CDH13: variants seen among roughly 807,000 people sequenced by gnomAD.
The protein encoded by CDH13 is cadherin-13.
In CDH13, 24 loss-of-function variants were observed where a neutral mutation model predicts 63.8. That is an observed-to-expected ratio of 0.38 (90% CI 0.27 to 0.53). The LOEUF is 0.53. Among genes scored for constraint, CDH13 ranks in the 20% least tolerant of loss-of-function variants. The pLI is 0.85. For synonymous variants in CDH13, 503 were observed against 355.3 expected (o/e 1.42, Z -4.67); for missense variants, 1,049 against 903.1 (o/e 1.16, Z -2.07).
rs532563695 is a variant in CDH13 at position 83,187,721 on chromosome 16, A to G, written c.484-29624A>G. 1.4e-3 allele frequency among the ~76,000 whole-genome samples: 209 copies of G among 152,292 alleles called. 1 individual carries two copies. Among genetic ancestry groups the G allele is most frequent in the Non-Finnish European group, 2.6e-3 (177 of 68,030 alleles). ...TTCCGTGGACACAGCAGTGAACAGA[A>G]CAGACCAAGCCCTGTCCTACAGTCC... On this transcript the variant is annotated intron_variant, in intron 4 of 13. Transcript: ENST00000567109.
intron 11 of CDH13, among the ~76,000 whole-genome samples, chr16:83,764,554 T>C (rs1040742450): frequency 3.3e-5 from 5 of 152,172 alleles, no homozygotes; most frequent in Admixed American, 2.6e-4. Flanking sequence ...CAGCTTTATA[T>C]TGGCATTGCC....
chr16:82,886,263 A>G (rs1484759919), intron 2 of CDH13, among the ~76,000 whole-genome samples: 2 of 152,152 alleles, frequency 1.3e-5, no homozygotes, highest in Admixed American at 6.6e-5. Flanking sequence ...CCTTAGATTA[A>G]GTTTTCAGAA....
chr16:83,220,623 TAAATA>T, intron 5 of CDH13, among the ~76,000 whole-genome samples: 1 of 50,936 alleles, frequency 2.0e-5, no homozygotes, highest in Admixed American at 2.1e-4. Context: ...AAATAATAAA[TAAATA>T]AAAATAAAAA....
chr16:83,507,831 G>A (rs564572209), intron 7 of CDH13, among the ~76,000 whole-genome samples: 12 of 141,374 alleles, frequency 8.5e-5, no homozygotes, highest in South Asian at 2.6e-4. Context: ...TCAGGAGTTC[G>A]ATGCCAGCCT....
intron 1 of CDH13, among the ~76,000 whole-genome samples, chr16:82,827,146 A>G (rs13335874): frequency 0.012 from 1,838 of 152,296 alleles, 44 homozygotes; most frequent in African/African-American, 0.041. Context: ...TTTTTGAAAA[A>G]TAATACTGTT....
chr16:83,316,670 G>A (rs2090111536), intron 5 of CDH13, among the ~76,000 whole-genome samples: 1 of 152,200 alleles, frequency 6.6e-6, no homozygotes, highest in Non-Finnish European at 1.5e-5. Context: ...TGCAGTCTAT[G>A]CAGAGTTTAA....
chr16:83,567,650 C>T (rs1239962265), intron 7 of CDH13, among the ~76,000 whole-genome samples: 1 of 152,182 alleles, frequency 6.6e-6, no homozygotes, highest in African/African-American at 2.4e-5. Context: ...GGCTGGAGTG[C>T]AGTGGTGCGA....
chr16:83,663,192 T>A (rs1410472719), intron 8 of CDH13, among the ~76,000 whole-genome samples: 2 of 152,220 alleles, frequency 1.3e-5, no homozygotes, highest in Non-Finnish European at 2.9e-5. Flanking sequence ...TAATCAGCTC[T>A]GGGTCCAATC....
intron 4 of CDH13, among the ~76,000 whole-genome samples, chr16:83,148,566 A>G (rs1196791805): frequency 6.6e-6 from 1 of 152,232 alleles, no homozygotes; most frequent in African/African-American, 2.4e-5. Context: ...GGAGGTAATA[A>G]TAGTGCCTGC....
At chr16:82,837,331 A>T (rs929556012) in intron 1 of CDH13, among the ~76,000 whole-genome samples, 3 of 152,272 alleles carry the variant, frequency 2.0e-5, no homozygotes, top group African/African-American at 7.2e-5. Context: ...AAGTCCATGT[A>T]AAGTGCTCCC....
intron 5 of CDH13, among the ~76,000 whole-genome samples, chr16:83,275,440 T>G (rs954747112): frequency 1.3e-5 from 2 of 152,200 alleles, no homozygotes; most frequent in African/African-American, 4.8e-5. Flanking sequence ...GAGCCCCCTT[T>G]CAGAGTAAAG....
intron 10 of CDH13, among the ~76,000 whole-genome samples, chr16:83,724,517 G>A (rs967877853): frequency 7.9e-5 from 12 of 152,156 alleles, no homozygotes; most frequent in African/African-American, 2.4e-4. Context: ...TGCATGAGTC[G>A]GTGGATGAAT....
chr16:82,806,894 A>G (rs1349319102), intron 1 of CDH13, among the ~76,000 whole-genome samples: 1 of 152,194 alleles, frequency 6.6e-6, no homozygotes, highest in Non-Finnish European at 1.5e-5. Flanking sequence ...TGCAAAGAAT[A>G]ATATGCTCTA....
At chr16:83,193,610 G>T (rs1466067062) in intron 4 of CDH13, among the ~76,000 whole-genome samples, 1 of 152,210 alleles carries the variant, frequency 6.6e-6, no homozygotes, top group Non-Finnish European at 1.5e-5. Context: ...ATTTGTGCAA[G>T]AGTCAAGTTC....
intron 2 of CDH13, among the ~76,000 whole-genome samples, chr16:82,898,064 C>G (rs1273383573): frequency 1.3e-5 from 2 of 152,060 alleles, no homozygotes; most frequent in Non-Finnish European, 2.9e-5. Context: ...ATACAGTTCT[C>G]AAAGAGTGAA....
At chr16:83,351,178 T>G (rs1023999401) in intron 6 of CDH13, among the ~76,000 whole-genome samples, 1 of 152,196 alleles carries the variant, frequency 6.6e-6, no homozygotes, top group Non-Finnish European at 1.5e-5. Flanking sequence ...CTGTTAATTT[T>G]TTTTTGCTGA....
chr16:83,028,155 G>T (rs1269175957), intron 2 of CDH13, among the ~76,000 whole-genome samples: 1 of 152,206 alleles, frequency 6.6e-6, no homozygotes, highest in East Asian at 1.9e-4. Flanking sequence ...GGCGATTGAA[G>T]CAGTCATTTC....
At chr16:83,419,189 G>C (rs193108429) in intron 6 of CDH13, among the ~76,000 whole-genome samples, 1 of 152,050 alleles carries the variant, frequency 6.6e-6, no homozygotes, top group Non-Finnish European at 1.5e-5. Context: ...CATCCCTATC[G>C]TGCCCCCTGC....
At chr16:83,088,388 C>G (rs1312245239) in intron 3 of CDH13, among the ~76,000 whole-genome samples, 5 of 152,186 alleles carry the variant, frequency 3.3e-5, no homozygotes, top group African/African-American at 9.6e-5. Flanking sequence ...TCTTTGGACG[C>G]AATTTGCAAT....
Sources: gnomAD v4.1 joint callset for allele counts (sites outside exome capture counted in the v4.1 genomes callset) on GRCh38, gnomAD v4.1.1 for gene constraint, MANE v1.5 for transcripts, NCBI Gene and HGNC (gene_info 2026-07-23, HGNC 2026-07-21) for gene names.